Variants in PRKCI observed in about 807,000 individuals in gnomAD.
PRKCI encodes the protein protein kinase C iota, also known as protein kinase C iota type.
Under a neutral mutation model 84.0 loss-of-function variants are expected in PRKCI, and 43 were observed. The ratio of observed to expected loss-of-function variants is 0.51; its 90% confidence interval spans 0.40 to 0.66. PRKCI has a LOEUF of 0.66. PRKCI is among the 30% of genes least tolerant of loss of function. PRKCI has a pLI of 0.00. For synonymous variants in PRKCI, 216 were observed against 234.4 expected (o/e 0.92, Z 0.72); for missense variants, 459 against 745.6 (o/e 0.62, Z 4.48).
At chr3:170,274,928 G>A (rs901827458) in intron 7 of PRKCI, among the ~76,000 whole-genome samples, 5 of 152,088 alleles carry the variant, frequency 3.3e-5, no homozygotes, top group Admixed American at 6.6e-5. Flanking sequence ...TGATTAATTT[G>A]TAAAGAAGAG....
At chr3:170,286,039 C>T (rs1429135837) in intron 12 of PRKCI, among the ~76,000 whole-genome samples, 4 of 151,908 alleles carry the variant, frequency 2.6e-5, no homozygotes, top group Non-Finnish European at 4.4e-5. Context: ...ATTCTCCTGC[C>T]TCAGCCTCCT....
At chr3:170,285,631 A>G (rs1422437782) in intron 12 of PRKCI, among the ~76,000 whole-genome samples, 2 of 152,192 alleles carry the variant, frequency 1.3e-5, no homozygotes, top group Non-Finnish European at 2.9e-5. Context: ...TCGAAGATTT[A>G]ACTTTATTAT....
At chr3:170,252,501 A>G (rs1406724038) in intron 2 of PRKCI, among the ~76,000 whole-genome samples, 1 of 151,168 alleles carries the variant, frequency 6.6e-6, no homozygotes, top group Non-Finnish European at 1.5e-5. Context: ...TTCCAATTAT[A>G]CTCTTTTAGT....
intron 1 of PRKCI, among the ~76,000 whole-genome samples, chr3:170,233,117 A>C (rs920560728): frequency 1.8e-4 from 27 of 151,786 alleles, no homozygotes; most frequent in African/African-American, 5.8e-4. Context: ...TCCTGCCTAA[A>C]CCAATTATTA....
At chr3:170,236,255 C>G (rs986820123) in intron 2 of PRKCI, among the ~76,000 whole-genome samples, 1 of 151,154 alleles carries the variant, frequency 6.6e-6, no homozygotes, top group Admixed American at 6.6e-5. Flanking sequence ...GGTGCACCAC[C>G]ACACCCAGAT....
At chr3:170,289,492 G>C (rs1009766249) in intron 12 of PRKCI, among the ~76,000 whole-genome samples, 2 of 152,156 alleles carry the variant, frequency 1.3e-5, no homozygotes, top group Admixed American at 6.6e-5. Flanking sequence ...ATGGAAGGAA[G>C]GGCCGGGCAC....
chr3:170,247,295 A>G (rs377460058), intron 2 of PRKCI, among the ~76,000 whole-genome samples: 3 of 151,696 alleles, frequency 2.0e-5, no homozygotes, highest in Non-Finnish European at 4.4e-5. Flanking sequence ...GACTCAAGCA[A>G]TCCTCCCACC....
chr3:170,227,298 C>T (rs1431778968), intron 1 of PRKCI, among the ~76,000 whole-genome samples: 6 of 152,074 alleles, frequency 3.9e-5, no homozygotes, highest in Non-Finnish European at 4.4e-5. Context: ...TATTGTTGAA[C>T]GTCCGTAATC....
chr3:170,232,296 C>T (rs577221610), intron 1 of PRKCI, among the ~76,000 whole-genome samples: 1 of 152,306 alleles, frequency 6.6e-6, no homozygotes, highest in Non-Finnish European at 1.5e-5. Flanking sequence ...AGCGATCCTC[C>T]CACATTGGCC....
chr3:170,230,505 T>C (rs1000447417), intron 1 of PRKCI, among the ~76,000 whole-genome samples: 14 of 152,354 alleles, frequency 9.2e-5, no homozygotes, highest in Admixed American at 9.2e-4. Flanking sequence ...TAATTTTTTA[T>C]TTTTAGTAGA....
chr3:170,224,457 T>A (rs1732578563), intron 1 of PRKCI, among the ~76,000 whole-genome samples: 2 of 147,788 alleles, frequency 1.4e-5, no homozygotes, highest in South Asian at 4.2e-4. Flanking sequence ...TTCCTTTGCT[T>A]TTTTTTTTTT....
intron 12 of PRKCI, among the ~76,000 whole-genome samples, chr3:170,287,899 ACT>A (rs1347323502): frequency 5.3e-5 from 7 of 131,584 alleles, no homozygotes; most frequent in African/African-American, 1.8e-4. Flanking sequence ...ACAAAGTGAG[ACT>A]CTGTCTCAAA....
chr3:170,278,944 C>T (rs1734181424), intron 8 of PRKCI, among the ~76,000 whole-genome samples: 1 of 152,204 alleles, frequency 6.6e-6, no homozygotes, highest in African/African-American at 2.4e-5. Flanking sequence ...AAACACCTCC[C>T]ACTAGGGATC....
At chr3:170,257,662 ATTT>A (rs11362547) in intron 2 of PRKCI, among the ~76,000 whole-genome samples, 24 of 121,784 alleles carry the variant, frequency 2.0e-4, no homozygotes, top group Non-Finnish European at 1.4e-4. Context: ...GGGAAAGAGA[ATTT>A]TTTTTTTTTT....
At chr3:170,286,414 T>C (rs1734391567) in intron 12 of PRKCI, among the ~76,000 whole-genome samples, 1 of 144,752 alleles carries the variant, frequency 6.9e-6, no homozygotes, top group African/African-American at 2.6e-5. Context: ...TCCCCAAGAA[T>C]AAATGAAACT....
intron 2 of PRKCI, among the ~76,000 whole-genome samples, chr3:170,259,026 C>T (rs1261845584): frequency 6.6e-6 from 1 of 152,094 alleles, no homozygotes; most frequent in Admixed American, 6.6e-5. Context: ...CTTCTGTAGT[C>T]CCAGCTATTT....
At chr3:170,290,299 T>G (rs568029432) in intron 12 of PRKCI, among the ~76,000 whole-genome samples, 2 of 152,048 alleles carry the variant, frequency 1.3e-5, no homozygotes, top group South Asian at 4.1e-4. Flanking sequence ...ACTTTTTTAT[T>G]GTTGATTTTT....
intron 2 of PRKCI, among the ~76,000 whole-genome samples, chr3:170,251,505 C>T (rs1733444096): frequency 6.6e-6 from 1 of 152,130 alleles, no homozygotes; most frequent in Admixed American, 6.6e-5. Context: ...ATAGTCAATT[C>T]ATAAATAACA....
At chr3:170,250,646 A>G (rs1257518528) in intron 2 of PRKCI, among the ~76,000 whole-genome samples, 1 of 152,154 alleles carries the variant, frequency 6.6e-6, no homozygotes, top group African/African-American at 2.4e-5. Flanking sequence ...TATTTTATTT[A>G]TCCATTTATC....
Sources: gnomAD v4.1 joint callset for allele counts (sites outside exome capture counted in the v4.1 genomes callset) on GRCh38, gnomAD v4.1.1 for gene constraint, MANE v1.5 for transcripts, NCBI Gene and HGNC (gene_info 2026-07-23, HGNC 2026-07-21) for gene names.